Variants in STX18 observed in about 807,000 individuals in gnomAD.
STX18 encodes the protein syntaxin 18.
In STX18, 40 loss-of-function variants were observed where a neutral mutation model predicts 50.1. The observed-to-expected ratio is 0.80, with a 90% confidence interval of 0.62 to 1.04. STX18 has a LOEUF of 1.04. Among genes scored for constraint, STX18 ranks in the 50% least tolerant of loss-of-function variants. The pLI, the probability that STX18 is intolerant of heterozygous loss-of-function variation, is 0.00. For missense variants in STX18, 410 were observed against 415.8 expected (o/e 0.99, Z 0.12); for synonymous variants, 158 against 151.8 (o/e 1.04, Z -0.30).
chr4:4,504,785 A>T (rs1729622232), intron 1 of STX18, among the ~76,000 whole-genome samples: 1 of 152,216 alleles, frequency 6.6e-6, no homozygotes, highest in Non-Finnish European at 1.5e-5. Context: ...TAGCTGAAAT[A>T]AAAAATACTA....
chr4:4,527,592 G>A (rs571236987), intron 1 of STX18, among the ~76,000 whole-genome samples: 2 of 151,914 alleles, frequency 1.3e-5, no homozygotes, highest in Admixed American at 1.3e-4. Context: ...ATCTGATAAT[G>A]GGTTACAGAT....
At chr4:4,425,047 G>A (rs1324261205) in intron 8 of STX18, 117 bp downstream of exon 8, 1 of 899,466 alleles carries the variant, frequency 1.1e-6, no homozygotes, top group Non-Finnish European at 1.8e-6. Context: ...GGCTGAGGGG[G>A]GCTGCACCAG....
intron 5 of STX18, among the ~76,000 whole-genome samples, chr4:4,441,312 G>A (rs1250263928): frequency 3.3e-5 from 5 of 152,102 alleles, no homozygotes; most frequent in African/African-American, 7.2e-5. Flanking sequence ...ATGTGGTATG[G>A]GATCTATTTG....
At chr4:4,523,727 C>T (rs999255041) in intron 1 of STX18, among the ~76,000 whole-genome samples, 5 of 152,208 alleles carry the variant, frequency 3.3e-5, no homozygotes, top group African/African-American at 1.2e-4. Context: ...CTCCTCCTTG[C>T]TGCCAGTCCT....
chr4:4,474,999 A>G (rs1297723587), intron 1 of STX18, among the ~76,000 whole-genome samples: 2 of 152,214 alleles, frequency 1.3e-5, no homozygotes, highest in African/African-American at 4.8e-5. Context: ...TAGAAGCCAT[A>G]AAGTTTTCCA....
rs529545655 is a variant in STX18, at chr4:4,507,942, C to T, written c.168+33855G>A. Among the ~76,000 whole-genome samples, 98 of 152,132 alleles carry T rather than the reference C, an allele frequency of 6.4e-4. No individual in the cohort carries two copies. In the Middle Eastern group the frequency reaches 0.014, roughly 21 times the overall value. On this transcript the variant is annotated intron_variant, in intron 1 of 10. Coordinates refer to ENST00000306200, the MANE Select transcript of STX18 (RefSeq NM_016930.4). ...TATTTACTGCCTGCTTACCACTGAT[C>T]GGTCACCATGCCACAGAGGCGACCT... is the stretch of plus-strand genomic sequence containing the variant.
intron 5 of STX18, among the ~76,000 whole-genome samples, chr4:4,452,751 C>G (rs1726826986): frequency 6.6e-6 from 1 of 152,178 alleles, no homozygotes; most frequent in Admixed American, 6.5e-5. Context: ...GATAGTGATT[C>G]CTCTGGCAGA....
intron 7 of STX18, among the ~76,000 whole-genome samples, chr4:4,432,518 C>A (rs548192707): frequency 2.6e-5 from 4 of 152,346 alleles, no homozygotes; most frequent in Admixed American, 6.5e-5. Context: ...TTTTCAAGCA[C>A]CCCATGTGTC....
intron 1 of STX18, among the ~76,000 whole-genome samples, chr4:4,496,897 C>A (rs1018232699): frequency 1.3e-5 from 2 of 152,194 alleles, no homozygotes; most frequent in Admixed American, 1.3e-4. Context: ...GCGACTTACA[C>A]ACCCTTTCAA....
At chr4:4,510,792 G>C (rs1482462272) in intron 1 of STX18, among the ~76,000 whole-genome samples, 1 of 152,186 alleles carries the variant, frequency 6.6e-6, no homozygotes, top group Non-Finnish European at 1.5e-5. Context: ...AGCAAATGTG[G>C]CACATATACA....
At chr4:4,514,440 C>CA (rs1730143612) in intron 1 of STX18, among the ~76,000 whole-genome samples, 1 of 151,818 alleles carries the variant, frequency 6.6e-6, no homozygotes, top group African/African-American at 2.4e-5. Context: ...TTCGTTATGG[C>CA]AAAAAAGAGA....
chr4:4,501,621 G>A (rs1006240686), intron 1 of STX18, among the ~76,000 whole-genome samples: 12 of 152,104 alleles, frequency 7.9e-5, no homozygotes, highest in South Asian at 2.1e-4. Context: ...TGGAGACACC[G>A]AGTGTTTGGG....
At chr4:4,444,036 T>C (rs750865053) in intron 5 of STX18, among the ~76,000 whole-genome samples, 16 of 151,888 alleles carry the variant, frequency 1.1e-4, no homozygotes, top group Non-Finnish European at 2.2e-4. Context: ...GCATTCCAGA[T>C]AGTTTATGCT....
At chr4:4,487,657 C>G (rs1728758106) in intron 1 of STX18, among the ~76,000 whole-genome samples, 2 of 152,312 alleles carry the variant, frequency 1.3e-5, no homozygotes, top group African/African-American at 2.4e-5. Flanking sequence ...CGCCTCCCCC[C>G]TGCCAAACCC....
At chr4:4,439,285 C>T (rs1725970076) in intron 5 of STX18, among the ~76,000 whole-genome samples, 2 of 128,922 alleles carry the variant, frequency 1.6e-5, no homozygotes, top group South Asian at 2.2e-4. Flanking sequence ...AACACACACA[C>T]ATATATACAC....
rs1427791186 is a variant in STX18, at chr4:4,534,227, G to C, written c.168+7570C>G. On this transcript the variant is annotated intron_variant, in intron 1 of 10. Transcript: ENST00000306200. The stretch of plus-strand genomic sequence containing the variant: ...GGTTTATCAGTAAGCACTGCTGCTG[G>C]GGAGTTATCCACCACATGCTGTCTT... 2.0e-5 allele frequency among the ~76,000 whole-genome samples: 3 copies of C among 152,250 alleles called. No individual in the cohort carries two copies. In the East Asian group the frequency reaches 5.8e-4, roughly 29 times the overall value.
intron 9 of STX18, among the ~76,000 whole-genome samples, chr4:4,422,501 T>C (rs1200805109): frequency 1.4e-5 from 2 of 147,568 alleles, no homozygotes; most frequent in Non-Finnish European, 3.0e-5. Flanking sequence ...CCTGGGAGGA[T>C]GAGGTTGCAG....
intron 6 of STX18, among the ~76,000 whole-genome samples, chr4:4,436,330 A>C (rs957954926): frequency 6.6e-6 from 1 of 152,188 alleles, no homozygotes; most frequent in Non-Finnish European, 1.5e-5. Flanking sequence ...GTTGGCTAAA[A>C]GTATCTTTAG....
chr4:4,517,314 T>C (rs2108901162), intron 1 of STX18, among the ~76,000 whole-genome samples: 1 of 152,272 alleles, frequency 6.6e-6, no homozygotes, highest in Non-Finnish European at 1.5e-5. Flanking sequence ...TGATACTAAA[T>C]AGAAACACCC....
Sources: gnomAD v4.1 joint callset for allele counts (sites outside exome capture counted in the v4.1 genomes callset) on GRCh38, gnomAD v4.1.1 for gene constraint, MANE v1.5 for transcripts, NCBI Gene and HGNC (gene_info 2026-07-23, HGNC 2026-07-21) for gene names.